The following GINS3 variants were observed in gnomAD, a reference collection of about 807,000 sequenced individuals.
The protein encoded by GINS3 is DNA replication complex GINS protein PSF3.
A neutral mutation model predicts 20.0 loss-of-function variants in GINS3; 18 were observed. The observed-to-expected ratio is 0.90, with a 90% CI of 0.62 to 1.33. GINS3 has a LOEUF of 1.33. Among genes scored for constraint, GINS3 ranks in the 40% most tolerant of loss-of-function variants. The pLI is 0.00. For missense variants in GINS3, 254 were observed against 273.6 expected (o/e 0.93, Z 0.51); for synonymous variants, 109 against 107.0 (o/e 1.02, Z -0.12).
intron 1 of GINS3, among the ~76,000 whole-genome samples, chr16:58,397,819 G>A (rs1478559226): frequency 3.3e-5 from 5 of 151,864 alleles, no homozygotes; most frequent in African/African-American, 9.7e-5. Flanking sequence ...GAGGGAGACC[G>A]TGGGGAGAGG....
At chr16:58,403,520 CAT>C in intron 2 of GINS3, 189 bp downstream of exon 2, 11 of 544,338 alleles carry the variant, frequency 2.0e-5, no homozygotes, top group South Asian at 1.9e-4. Flanking sequence ...CACACACACA[CAT>C]TTTTTTAATA....
intron 1 of GINS3, among the ~76,000 whole-genome samples, chr16:58,396,679 T>C (rs1965871490): frequency 2.1e-5 from 2 of 95,366 alleles, no homozygotes; most frequent in South Asian, 4.1e-4. Flanking sequence ...CCCCCCGACC[T>C]CCCTCCCGGA....
At chr16:58,396,959 G>A (rs1192233803) in intron 1 of GINS3, among the ~76,000 whole-genome samples, 2 of 149,706 alleles carry the variant, frequency 1.3e-5, no homozygotes, top group Non-Finnish European at 3.0e-5. Flanking sequence ...TCCCAGTAGG[G>A]GTGGCCGGGC....
At chr16:58,403,516 C>T (rs1965986095) in intron 2 of GINS3, 185 bp downstream of exon 2, 2 of 572,458 alleles carry the variant, frequency 3.5e-6, no homozygotes, top group Non-Finnish European at 6.2e-6. Flanking sequence ...CACACACACA[C>T]ACACATTTTT....
intron 1 of GINS3, among the ~76,000 whole-genome samples, chr16:58,401,180 G>A (rs189234854): frequency 6.6e-6 from 1 of 152,232 alleles, no homozygotes; most frequent in Non-Finnish European, 1.5e-5. Flanking sequence ...GAGTGTTACA[G>A]TTCCTAAAGG....
intron 1 of GINS3, among the ~76,000 whole-genome samples, chr16:58,396,240 C>G (rs1300708765): frequency 8.1e-6 from 1 of 122,886 alleles, no homozygotes; most frequent in South Asian, 2.7e-4. Context: ...ACCTCCCAGA[C>G]GGGGCGGCTG....
chr16:58,398,008 A>AT, intron 1 of GINS3, among the ~76,000 whole-genome samples: 1 of 151,990 alleles, frequency 6.6e-6, no homozygotes, highest in Non-Finnish European at 1.5e-5. Flanking sequence ...GAGTCTATCA[A>AT]TTTTTTTATT....
chr16:58,401,155 G>A (rs1371345878), intron 1 of GINS3, among the ~76,000 whole-genome samples: 3 of 152,088 alleles, frequency 2.0e-5, no homozygotes, highest in Non-Finnish European at 2.9e-5. Flanking sequence ...GAATGAAGCC[G>A]AAGACCCTTG....
intron 1 of GINS3, among the ~76,000 whole-genome samples, chr16:58,397,215 G>A (rs1295465382): frequency 5.9e-5 from 9 of 151,300 alleles, no homozygotes; most frequent in South Asian, 2.1e-4. Context: ...CAGACGGGGC[G>A]GCCGGGCAGA....
At chr16:58,404,477 G>C (rs745584691) in intron 2 of GINS3, 22 bp from the exon 3 acceptor site, 2 of 1,559,136 alleles carry the variant, frequency 1.3e-6, no homozygotes, top group South Asian at 2.2e-5. Context: ...ACCCTGACTT[G>C]TCTTACTCCC....
In GINS3 at chr16:58,398,553, T is replaced by C. The variant is rs536010399; in HGVS notation, c.187-4545T>C. Among the ~76,000 whole-genome samples, 1,009 of 152,224 alleles carry C rather than the reference T, an allele frequency of 6.6e-3. 12 individuals are homozygous for C. The highest frequency in any genetic ancestry group is 0.023 in the African/African-American group (974 of 41,542). ...AAGCCTTGGAGGGTCAGTACTGCAG[T>C]GAGCCGTGATCACACCACTGCACTC... On this transcript the variant is annotated intron_variant, in intron 1 of 2. Coordinates refer to ENST00000318129, the MANE Select transcript of GINS3 (RefSeq NM_022770.4).
chr16:58,399,054 C>T (rs1965919842), intron 1 of GINS3, among the ~76,000 whole-genome samples: 1 of 151,662 alleles, frequency 6.6e-6, no homozygotes, highest in Non-Finnish European at 1.5e-5. Context: ...TGGCTCCTGC[C>T]TGTAACCCTA....
chr16:58,398,179 G>A (rs763324958), intron 1 of GINS3, among the ~76,000 whole-genome samples: 1 of 151,874 alleles, frequency 6.6e-6, no homozygotes, highest in Non-Finnish European at 1.5e-5. Flanking sequence ...TGGAAACCTA[G>A]GTCATTAATT....
At chr16:58,400,917 C>T (rs1169016599) in intron 1 of GINS3, among the ~76,000 whole-genome samples, 4 of 151,050 alleles carry the variant, frequency 2.6e-5, no homozygotes, top group African/African-American at 4.9e-5. Flanking sequence ...TGTGTTCAAG[C>T]GAGTCTTCTG....
At position 58,405,726 on chromosome 16, in the gene GINS3, A is replaced by G. The variant is rs1966025596; in HGVS notation, c.*997A>G. The G allele has an allele frequency of 6.6e-6, 1 of 152,232 alleles. No individual in the cohort carries two copies. The highest frequency in any genetic ancestry group is 1.5e-5 in the Non-Finnish European group (1 of 68,052). The allele number at this position is 152,232 out of a possible 1,614,324, so 9.4% of individuals were successfully genotyped here. On this transcript the variant is annotated 3_prime_UTR_variant, in exon 3 of 3. Coordinates refer to ENST00000318129, the MANE Select transcript of GINS3 (RefSeq NM_022770.4). The stretch of plus-strand genomic sequence containing the variant: ...CCATTTACTAGGAACCTGGTTAAGC[A>G]AGCACTAATCTCTTTTCCTGGAGAT...
intron 1 of GINS3, 25 bp downstream of exon 1, chr16:58,392,812 G>T (rs1276329176): frequency 2.6e-6 from 4 of 1,563,198 alleles, no homozygotes; most frequent in African/African-American, 2.7e-5. Flanking sequence ...GCGGGGTCCT[G>T]CCCGGAAAGA....
intron 1 of GINS3, among the ~76,000 whole-genome samples, chr16:58,394,227 AT>A (rs1965819854): frequency 6.8e-6 from 1 of 146,702 alleles, no homozygotes; most frequent in African/African-American, 2.8e-5. Context: ...GGTTGTGACA[AT>A]TAATCAGACC....
intron 1 of GINS3, among the ~76,000 whole-genome samples, chr16:58,396,183 G>A (rs1465663455): frequency 7.7e-6 from 1 of 130,078 alleles, no homozygotes; most frequent in African/African-American, 3.1e-5. Flanking sequence ...GCCGGGCAGA[G>A]GGGCTCCTCA....
intron 1 of GINS3, among the ~76,000 whole-genome samples, chr16:58,394,628 T>C (rs1270164670): frequency 4.6e-5 from 7 of 152,258 alleles, no homozygotes; most frequent in Non-Finnish European, 1.0e-4. Flanking sequence ...ATTACAGGCG[T>C]AAGCCACCTC....
Sources: allele counts gnomAD v4.1 joint callset (sites outside exome capture counted in the v4.1 genomes callset), GRCh38; gene constraint gnomAD v4.1.1; transcripts MANE v1.5; gene names NCBI Gene and HGNC (gene_info 2026-07-23, HGNC 2026-07-21).